The following PCGF5 variants were observed in gnomAD, a reference collection of about 807,000 sequenced individuals.
PCGF5 encodes the protein polycomb group ring finger 5, also known as polycomb group RING finger protein 5.
PCGF5 carries 9 observed loss-of-function variants against 44.3 expected under a neutral mutation model. The ratio of observed to expected loss-of-function variants is 0.20; its 90% CI spans 0.12 to 0.35. The LOEUF is 0.35. Ranked by LOEUF, PCGF5 falls within the 10% of genes least tolerant of loss-of-function variation. The probability of loss-of-function intolerance (pLI) is 1.00; values close to 1 mark genes in which losing one functional copy is unlikely to be tolerated. For synonymous variants in PCGF5, 95 were observed against 102.5 expected, an observed-to-expected ratio of 0.93 and a Z score of 0.44; for missense variants, 146 against 305.3, an observed-to-expected ratio of 0.48 and a Z score of 3.89.
intron 1 of PCGF5, among the ~76,000 whole-genome samples, chr10:91,196,767 C>A (rs1257639103): frequency 6.6e-6 from 1 of 152,198 alleles, no homozygotes; most frequent in Non-Finnish European, 1.5e-5. Flanking sequence ...ATGGAAGGAG[C>A]CTTGTCTATA....
intron 9 of PCGF5, among the ~76,000 whole-genome samples, 199 bp downstream of exon 9, chr10:91,271,896 A>G (rs889682788): frequency 1.3e-5 from 2 of 152,260 alleles, no homozygotes; most frequent in Admixed American, 6.5e-5. Flanking sequence ...TTACTGAACT[A>G]AAAAATTAGA....
upstream of PCGF5, among the ~76,000 whole-genome samples, chr10:91,218,154 A>G (rs1350221153): frequency 1.3e-5 from 2 of 152,216 alleles, no homozygotes; most frequent in Non-Finnish European, 2.9e-5. Context: ...GAGGTATTAA[A>G]GAAAACTGAA....
upstream of PCGF5, among the ~76,000 whole-genome samples, chr10:91,160,108 A>C (rs1462508913): frequency 6.6e-6 from 1 of 152,204 alleles, no homozygotes. Context: ...CAGTCAACGT[A>C]AACCACATAA....
At chr10:91,244,819 A>C (rs1434303428) in intron 3 of PCGF5, among the ~76,000 whole-genome samples, 4 of 152,178 alleles carry the variant, frequency 2.6e-5, no homozygotes, top group African/African-American at 9.6e-5. Flanking sequence ...AACTGGAAGA[A>C]TGGAGTTGCC....
At position 91,180,697 on chromosome 10, in the gene PCGF5, C is replaced by A. The variant is rs186807686; in HGVS notation, c.-184+17616C>A. Among the ~76,000 whole-genome samples the A allele has an allele frequency of 7.4e-3, 1,128 of 152,162 alleles. 14 individuals are homozygous for A. Among genetic ancestry groups the A allele is most frequent in the African/African-American group, 0.026 (1,084 of 41,508 alleles). On this transcript the variant is annotated intron_variant, in intron 1 of 9. Transcript: ENST00000614189. ...TTATTTCTGGGTTCTCTATTATGTTCCATTGGTCTATGTGTCTGTTCTTAT... is the reference window on the plus strand; with the variant it reads ...TTATTTCTGGGTTCTCTATTATGTTACATTGGTCTATGTGTCTGTTCTTAT...
In PCGF5 at chr10:91,239,137, G is replaced by A. The variant is rs555910640; in HGVS notation, c.113-1347G>A. ...TATCTTATTTTTGGGGGGCGGAGGG[G>A]GAGGCAGGTAAAAATACCACTTATC... On this transcript the variant is annotated intron_variant, in intron 2 of 9. Coordinates refer to ENST00000336126, the MANE Select transcript of PCGF5 (RefSeq NM_032373.5). Among the ~76,000 whole-genome samples, 564 of 152,124 alleles carry A rather than the reference G, an allele frequency of 3.7e-3. 1 individual carries two copies. The highest frequency in any genetic ancestry group is 6.5e-3 in the Non-Finnish European group (439 of 68,000).
chr10:91,268,944 T>C (rs1298144808), intron 8 of PCGF5, among the ~76,000 whole-genome samples: 1 of 152,142 alleles, frequency 6.6e-6, no homozygotes, highest in Non-Finnish European at 1.5e-5. Flanking sequence ...TATTGCCACC[T>C]CAAGTTTCTA....
At chr10:91,225,703 T>A (rs893059529) in intron 2 of PCGF5, among the ~76,000 whole-genome samples, 36 of 152,088 alleles carry the variant, frequency 2.4e-4, no homozygotes, top group Admixed American at 2.6e-4. Flanking sequence ...AATATTTATA[T>A]ACAAATAAAT....
chr10:91,176,123 C>T (rs546540958), intron 1 of PCGF5, among the ~76,000 whole-genome samples: 19 of 152,216 alleles, frequency 1.2e-4, no homozygotes, highest in African/African-American at 2.4e-4. Flanking sequence ...AAAAATCTCT[C>T]GGCATTTGCT....
Position 91,261,443 on chromosome 10 carries a change from A to G in PCGF5, c.573+19A>G. The stretch of plus-strand genomic sequence containing the variant: ...TTATGAGGTAAGTTAAATAATATCT[A>G]AGCTTGATCATTTTGATAATTCTGA... On this transcript the variant is annotated intron_variant, in intron 7 of 9. Transcript: ENST00000336126. 7.1e-7 allele frequency: 1 copy of G among 1,409,342 alleles called. No homozygotes were observed. The highest frequency in any genetic ancestry group is 9.4e-7 in the Non-Finnish European group (1 of 1,065,410). 87.3% of individuals were successfully genotyped at this position (1,409,342 alleles called of 1,614,324 possible).
intron 1 of PCGF5, among the ~76,000 whole-genome samples, chr10:91,194,459 A>T (rs540427903): frequency 6.6e-6 from 1 of 152,324 alleles, no homozygotes; most frequent in African/African-American, 2.4e-5. Flanking sequence ...GGAAATGGCA[A>T]GGAAACAAAT....
intron 2 of PCGF5, among the ~76,000 whole-genome samples, chr10:91,225,985 G>A (rs1844824048): frequency 6.6e-6 from 1 of 151,990 alleles, no homozygotes; most frequent in African/African-American, 2.4e-5. Context: ...GGCAGAAAGT[G>A]AGAAATGTTA....
At chr10:91,156,803 C>T in the PCGF5 span, among the ~76,000 whole-genome samples, 3 of 152,098 alleles carry the variant, frequency 2.0e-5, no homozygotes, top group Non-Finnish European at 4.4e-5. Context: ...CCATCTCTTC[C>T]GAAAGTGATG....
At chr10:91,160,975 C>T (rs1410639180), upstream of PCGF5, among the ~76,000 whole-genome samples, 1 of 152,194 alleles carries the variant, frequency 6.6e-6, no homozygotes, top group Non-Finnish European at 1.5e-5. Context: ...CTGAGCCCTG[C>T]CCTCTGTCAT....
intron 3 of PCGF5, among the ~76,000 whole-genome samples, chr10:91,243,968 T>C (rs1306470204): frequency 6.6e-6 from 1 of 152,174 alleles, no homozygotes; most frequent in East Asian, 1.9e-4. Flanking sequence ...ATTCAGCAAA[T>C]ATTTACTGGA....
intron 1 of PCGF5, among the ~76,000 whole-genome samples, chr10:91,205,084 T>A (rs1178518573): frequency 1.3e-5 from 2 of 152,216 alleles, no homozygotes; most frequent in Non-Finnish European, 2.9e-5. Context: ...TTGCTAATTC[T>A]TATGGTCCAG....
chr10:91,168,958 A>AGGGGGGG (rs1843554087), intron 1 of PCGF5, among the ~76,000 whole-genome samples: 1 of 139,422 alleles, frequency 7.2e-6, no homozygotes, highest in African/African-American at 2.7e-5. Flanking sequence ...AAAAAAAAAA[A>AGGGGGGG]GAAGGCTTGA....
At chr10:91,162,485 G>A (rs185500087), upstream of PCGF5, among the ~76,000 whole-genome samples, 232 of 152,236 alleles carry the variant, frequency 1.5e-3, no homozygotes, top group African/African-American at 5.4e-3. Context: ...CGCTTCCTCC[G>A]TCTGTGGGGG....
intron 1 of PCGF5, among the ~76,000 whole-genome samples, chr10:91,204,245 G>A (rs1051033122): frequency 1.3e-5 from 2 of 152,050 alleles, no homozygotes; most frequent in African/African-American, 4.8e-5. Flanking sequence ...TGTTAGGGAT[G>A]TCTTAGATGG....
Sources: allele counts gnomAD v4.1 joint callset (sites outside exome capture counted in the v4.1 genomes callset), GRCh38; gene constraint gnomAD v4.1.1; transcripts MANE v1.5; gene names NCBI Gene and HGNC (gene_info 2026-07-23, HGNC 2026-07-21).